GTF3C1: variants seen among roughly 807,000 people sequenced by gnomAD.
The protein encoded by GTF3C1 is general transcription factor IIIC subunit 1.
A neutral mutation model predicts 226.7 loss-of-function variants in GTF3C1; 57 were observed. The ratio of observed to expected loss-of-function variants is 0.25; its 90% confidence interval spans 0.20 to 0.31. The LOEUF (loss-of-function observed/expected upper bound fraction) is 0.31. GTF3C1 is among the 10% of genes least tolerant of loss of function. The probability of loss-of-function intolerance (pLI) is 1.00; values close to 1 mark genes in which losing one functional copy is unlikely to be tolerated. For missense variants in GTF3C1, 2,217 were observed against 2,776.1 expected (o/e 0.80, Z 4.53); for synonymous variants, 1,090 against 1,084.8 (o/e 1.00, Z -0.09).
At chr16:27,474,081 T>C (rs1161021537) in intron 29 of GTF3C1, among the ~76,000 whole-genome samples, 2 of 152,248 alleles carry the variant, frequency 1.3e-5, no homozygotes, top group Non-Finnish European at 2.9e-5. Flanking sequence ...TGAGCCCACC[T>C]GCAGCCTTCC....
rs2087828799 is a variant in GTF3C1, at chr16:27,469,270, A to G, written c.5074+21T>C. On this transcript the variant is annotated intron_variant, in intron 32 of 36. Coordinates refer to ENST00000356183, the MANE Select transcript of GTF3C1 (RefSeq NM_001520.4). This position sits in a 1 kb window ranked among gnomAD's most constrained non-coding sequence, Gnocchi z 4.5. Reference sequence around the variant, plus strand: ...TGATGGCGAGGCCAGGCCCTCCCACAGCACCAGCAGGAGCACTCACCAGCG... The same window carrying G: ...TGATGGCGAGGCCAGGCCCTCCCACGGCACCAGCAGGAGCACTCACCAGCG... 6.5e-7 allele frequency: 1 copy of G among 1,540,154 alleles called. No individual in the cohort carries two copies. Among genetic ancestry groups the G allele is most frequent in the Non-Finnish European group, 8.8e-7 (1 of 1,138,324 alleles).
chr16:27,500,140 C>A (rs1204934267), intron 12 of GTF3C1, among the ~76,000 whole-genome samples: 2 of 152,152 alleles, frequency 1.3e-5, no homozygotes, highest in African/African-American at 4.8e-5. Flanking sequence ...GTGGGGGGTT[C>A]CTGTCTTCAG....
Position 27,526,784 on chromosome 16 carries a change from A to C in GTF3C1, c.973+1814T>G, listed in dbSNP as rs139561196. ...ATATCCCTTTTCATCACTATGGTGA[A>C]GTTTGGGTGGAGTGCATATAAATGC... is the stretch of plus-strand genomic sequence containing the variant. On this transcript the variant is annotated intron_variant, in intron 6 of 36. Transcript: ENST00000356183. Among the ~76,000 whole-genome samples the C allele has an allele frequency of 7.0e-4, 107 of 152,352 alleles. 1 individual carries two copies. Among genetic ancestry groups the C allele is most frequent in the African/African-American group, 2.3e-3 (97 of 41,580 alleles).
rs2088510511 is a variant in GTF3C1, at chr16:27,507,842, A to G, written c.1243-686T>C. Among the ~76,000 whole-genome samples the G allele has an allele frequency of 6.6e-6, 1 of 152,224 alleles. No individual in the cohort carries two copies. Among genetic ancestry groups the G allele is most frequent in the South Asian group, 2.1e-4 (1 of 4,836 alleles). ...CAGACAGGCATAGCTGGCCAACTCG[A>G]TGTCCCCAGGTGCCAGGCAAGTAAC... On this transcript the variant is annotated intron_variant, in intron 8 of 36. Coordinates refer to ENST00000356183, the MANE Select transcript of GTF3C1 (RefSeq NM_001520.4). The surrounding 1 kb of genome is among the most constrained non-coding windows in gnomAD (Gnocchi z 4.9).
At chr16:27,483,508 A>G (rs1174437048) in intron 25 of GTF3C1, 1 of 461,214 alleles carries the variant, frequency 2.2e-6, no homozygotes, top group African/African-American at 2.0e-5. Flanking sequence ...TCTCTAATCT[A>G]CTGCAAAGCA....
intron 5 of GTF3C1, among the ~76,000 whole-genome samples, chr16:27,529,934 A>G (rs1302791157): frequency 1.3e-5 from 2 of 152,236 alleles, no homozygotes; most frequent in Non-Finnish European, 2.9e-5. Flanking sequence ...TCTTAAACCT[A>G]TCCTGTATCA....
chr16:27,465,660 C>A, intron 32 of GTF3C1, 120 bp from the exon 33 acceptor site: 2 of 772,304 alleles, frequency 2.6e-6, no homozygotes, highest in Non-Finnish European at 4.1e-6. Flanking sequence ...TCCCCGACAG[C>A]CACAGGGGTC....
chr16:27,530,358 C>T (rs1317525576), intron 5 of GTF3C1, among the ~76,000 whole-genome samples: 1 of 152,168 alleles, frequency 6.6e-6, no homozygotes, highest in East Asian at 1.9e-4. Flanking sequence ...TCCATCAGAT[C>T]CCAGCCCTTG....
rs2087714504 is a variant in GTF3C1 at position 27,462,130 on chromosome 16, T to C, written c.6117+164A>G. Reference sequence around the variant, plus strand: ...GCAGCATGGAGCTGGTGAAGGACACTGAGGGACAGCCTGAGAGGCAGGAGC... The same window carrying C: ...GCAGCATGGAGCTGGTGAAGGACACCGAGGGACAGCCTGAGAGGCAGGAGC... On this transcript the variant is annotated intron_variant, in intron 36 of 36. Transcript: ENST00000356183. This position sits in a 1 kb window ranked among gnomAD's most constrained non-coding sequence, Gnocchi z 4.5. The C allele has an allele frequency of 1.6e-6, 1 of 608,636 alleles. No individual in the cohort carries two copies. Among genetic ancestry groups the C allele is most frequent in the East Asian group, 2.8e-5 (1 of 36,312 alleles). 37.7% of individuals were successfully genotyped at this position (608,636 alleles called of 1,614,324 possible). A position where few individuals can be genotyped will look rare whatever the true frequency, so the allele number is the denominator to read the frequency against.
Position 27,484,208 on chromosome 16 carries a change from T to A in GTF3C1, c.4001+3A>T, listed in dbSNP as rs775830972. 2 of 1,599,892 alleles carry A rather than the reference T, an allele frequency of 1.3e-6. No homozygotes were observed. The highest frequency in any genetic ancestry group is 3.3e-5 in the Admixed American group (2 of 59,978). ...GGAGTGACGGGGCTTCAATGAGGCT[T>A]ACTTATAGTTGAGATAGGCCTGTGG... On this transcript the variant is annotated splice_donor_region_variant and intron_variant, in intron 25 of 36. Transcript: ENST00000356183.
chr16:27,490,191 G>A (rs938449329), intron 19 of GTF3C1, among the ~76,000 whole-genome samples: 8 of 152,214 alleles, frequency 5.3e-5, no homozygotes, highest in Non-Finnish European at 1.2e-4. Flanking sequence ...GAGATGCACT[G>A]CACGCAGCAG....
Position 27,469,727 on chromosome 16 carries a change from C to G in GTF3C1, c.4815-177G>C, listed in dbSNP as rs1378107927. On this transcript the variant is annotated intron_variant, in intron 31 of 36. Coordinates refer to ENST00000356183, the MANE Select transcript of GTF3C1 (RefSeq NM_001520.4). This position sits in a 1 kb window ranked among gnomAD's most constrained non-coding sequence, Gnocchi z 4.5. ...GCCCCAGATCCATCCCCTTTCCCAC[C>G]TTCCCGTGCACCGCGCTCACCCCTT... Among the ~76,000 whole-genome samples the G allele has an allele frequency of 1.3e-5, 2 of 152,092 alleles. No homozygotes were observed. Among genetic ancestry groups the G allele is most frequent in the Non-Finnish European group, 2.9e-5 (2 of 68,020 alleles).
At chr16:27,519,153 C>T (rs1483854208) in intron 6 of GTF3C1, among the ~76,000 whole-genome samples, 1 of 149,850 alleles carries the variant, frequency 6.7e-6, no homozygotes, top group Admixed American at 6.6e-5. Context: ...TAAGAATTGT[C>T]TGATAAGGCA....
intron 29 of GTF3C1, among the ~76,000 whole-genome samples, chr16:27,473,516 C>G (rs2087907427): frequency 6.6e-6 from 1 of 152,204 alleles, no homozygotes; most frequent in African/African-American, 2.4e-5. Flanking sequence ...AGGTGCTGCC[C>G]CCAGGACCTT....
At chr16:27,534,949 T>C (rs1048896302) in intron 4 of GTF3C1, among the ~76,000 whole-genome samples, 5 of 152,036 alleles carry the variant, frequency 3.3e-5, no homozygotes, top group African/African-American at 9.7e-5. Context: ...ATAGACAAAC[T>C]GTATAACATT....
intron 32 of GTF3C1, chr16:27,466,237 G>A (rs184628963): frequency 6.6e-5 from 10 of 152,294 alleles, no homozygotes; most frequent in East Asian, 1.9e-4. Flanking sequence ...GAGAGTCTAC[G>A]GGCACCACTT....
chr16:27,476,605 T>C (rs1238406181), intron 28 of GTF3C1, 61 bp from the exon 29 acceptor site: 3 of 943,892 alleles, frequency 3.2e-6, no homozygotes, highest in African/African-American at 3.2e-5. Flanking sequence ...CTCAGGCAGA[T>C]GCAATTCTTA....
chr16:27,469,784 C>T lies in GTF3C1; in HGVS notation c.4815-234G>A, dbSNP rs2087839306. 6.6e-6 allele frequency among the ~76,000 whole-genome samples: 1 copy of T among 152,134 alleles called. No individual in the cohort carries two copies. The highest frequency in any genetic ancestry group is 6.5e-5 in the Admixed American group (1 of 15,280). ...TAGCTGTATCTCTGTGGGGACTGTT[C>T]CTTTTGCCCGTCTCTCAGCCCAGAA... On this transcript the variant is annotated intron_variant, in intron 31 of 36. Coordinates refer to ENST00000356183, the MANE Select transcript of GTF3C1 (RefSeq NM_001520.4). This position sits in a 1 kb window ranked among gnomAD's most constrained non-coding sequence, Gnocchi z 4.5.
chr16:27,493,443 G>C (rs2088263332), intron 16 of GTF3C1, 147 bp from the exon 17 acceptor site: 1 of 627,540 alleles, frequency 1.6e-6, no homozygotes, highest in African/African-American at 1.8e-5. Flanking sequence ...AAGTGCCCCT[G>C]CATCTCTGCC....
Sources: gnomAD v4.1 joint callset for allele counts (sites outside exome capture counted in the v4.1 genomes callset) on GRCh38, gnomAD v4.1.1 for gene constraint, Gnocchi (gnomAD v3.1) non-coding constraint, MANE v1.5 for transcripts, NCBI Gene and HGNC (gene_info 2026-07-23, HGNC 2026-07-21) for gene names.